Variants in WWOX observed in about 807,000 individuals in gnomAD.
WWOX encodes the protein WW domain-containing oxidoreductase.
Under a neutral mutation model 46.2 loss-of-function variants are expected in WWOX, and 69 were observed. The observed-to-expected ratio is 1.49, with a 90% confidence interval of 1.23 to 1.82. The LOEUF is 1.82. WWOX is among the 40% of genes most tolerant of loss of function. The pLI, the probability that WWOX is intolerant of heterozygous loss-of-function variation, is 0.00. For missense variants in WWOX, 919 were observed against 542.6 expected (o/e 1.69, Z -6.89); for synonymous variants, 359 against 202.6 (o/e 1.77, Z -6.56).
intron 6 of WWOX, among the ~76,000 whole-genome samples, chr16:78,422,684 TACACACACAC>T (rs1199317546): frequency 1.1e-4 from 6 of 52,932 alleles, no homozygotes; most frequent in South Asian, 7.0e-4. Context: ...TATATATATA[TACACACACAC>T]ACACACATAT....
intron 8 of WWOX, among the ~76,000 whole-genome samples, chr16:78,668,003 G>GTTGTA (rs1258514906): frequency 2.6e-5 from 4 of 152,134 alleles, no homozygotes; most frequent in African/African-American, 7.2e-5. Context: ...ACTTGGCTGG[G>GTTGTA]TGCGGTGGCT....
Position 78,347,918 on chromosome 16 carries a change from C to T in WWOX, c.517-38942C>T, listed in dbSNP as rs1183606231. On this transcript the variant is annotated intron_variant, in intron 5 of 8. Coordinates refer to ENST00000566780, the MANE Select transcript of WWOX (RefSeq NM_016373.4). The stretch of plus-strand genomic sequence containing the variant: ...TGGATTCCTCATAAAACAATATGGA[C>T]TATGGTCTTATTCTGTTTAACGGTA... Among the ~76,000 whole-genome samples, 3 of 122,186 alleles carry T rather than the reference C, an allele frequency of 2.5e-5. 1 individual carries two copies. The highest frequency in any genetic ancestry group is 8.3e-5 in the African/African-American group (3 of 36,158). The allele number at this position is 122,186 out of a possible 152,430, so 80.2% of individuals were successfully genotyped here. A position where few individuals can be genotyped will look rare whatever the true frequency, so the allele number is the denominator to read the frequency against.
chr16:79,187,637 C>CCTCAAGTGAT (rs2051044149), intron 8 of WWOX, among the ~76,000 whole-genome samples: 1 of 152,102 alleles, frequency 6.6e-6, no homozygotes, highest in Non-Finnish European at 1.5e-5. Flanking sequence ...GAACTCCTGA[C>CCTCAAGTGAT]CTCAAGTGAT....
At chr16:78,212,391 T>A (rs2036586821) in intron 5 of WWOX, among the ~76,000 whole-genome samples, 1 of 152,200 alleles carries the variant, frequency 6.6e-6, no homozygotes, top group African/African-American at 2.4e-5. Context: ...AATCCTACTG[T>A]GATCCCTAAA....
intron 8 of WWOX, among the ~76,000 whole-genome samples, chr16:78,618,497 C>G (rs977099711): frequency 1.3e-5 from 2 of 152,254 alleles, no homozygotes; most frequent in African/African-American, 2.4e-5. Context: ...TGTGAGGGCA[C>G]TGGTCATATT....
intron 8 of WWOX, among the ~76,000 whole-genome samples, chr16:78,754,702 G>A (rs752641223): frequency 2.0e-5 from 3 of 152,132 alleles, no homozygotes; most frequent in Admixed American, 6.5e-5. Flanking sequence ...GTTATGCAGT[G>A]CATTTATTTG....
intron 8 of WWOX, among the ~76,000 whole-genome samples, chr16:78,600,505 T>A (rs2045596412): frequency 1.3e-5 from 2 of 152,138 alleles, no homozygotes; most frequent in Admixed American, 1.3e-4. Context: ...GGTTAAAGCA[T>A]CCATGTTTAC....
intron 8 of WWOX, among the ~76,000 whole-genome samples, chr16:78,991,895 A>G (rs1256095227): frequency 6.6e-6 from 1 of 152,048 alleles, no homozygotes; most frequent in Non-Finnish European, 1.5e-5. Flanking sequence ...ACCTCCATAA[A>G]TGTTCCTTTG....
At chr16:78,216,050 A>G (rs1028320128) in intron 5 of WWOX, among the ~76,000 whole-genome samples, 4 of 152,220 alleles carry the variant, frequency 2.6e-5, no homozygotes, top group African/African-American at 4.8e-5. Context: ...CAACAGAGAC[A>G]CAAACACATC....
At chr16:78,172,871 A>G (rs148306754) in intron 5 of WWOX, among the ~76,000 whole-genome samples, 14 of 152,358 alleles carry the variant, frequency 9.2e-5, no homozygotes, top group African/African-American at 2.9e-4. Flanking sequence ...TCAGCCGCCA[A>G]TGGCTGAAAG....
chr16:78,764,867 T>C (rs952453102), intron 8 of WWOX, among the ~76,000 whole-genome samples: 1 of 152,132 alleles, frequency 6.6e-6, no homozygotes, highest in African/African-American at 2.4e-5. Context: ...TTACTATGGA[T>C]ATAACACTTG....
intron 8 of WWOX, among the ~76,000 whole-genome samples, chr16:79,051,992 C>G (rs2048175923): frequency 6.6e-6 from 1 of 151,608 alleles, no homozygotes; most frequent in African/African-American, 2.4e-5. Flanking sequence ...CTTCGTCCTT[C>G]CTTTGTTCTC....
chr16:78,931,964 C>CTGCACAAACTCTCT (rs1326626495), intron 8 of WWOX, among the ~76,000 whole-genome samples: 2 of 152,206 alleles, frequency 1.3e-5, no homozygotes, highest in African/African-American at 4.8e-5. Flanking sequence ...GGCAGTTCCC[C>CTGCACAAACTCTCT]TGCACAAACT....
chr16:78,421,816 A>G (rs774154379), intron 6 of WWOX, among the ~76,000 whole-genome samples: 6 of 152,186 alleles, frequency 3.9e-5, no homozygotes, highest in Non-Finnish European at 5.9e-5. Context: ...CTTCTCCCTC[A>G]TGATATTAAC....
intron 8 of WWOX, among the ~76,000 whole-genome samples, chr16:78,643,216 A>G (rs1337871595): frequency 1.3e-5 from 2 of 152,216 alleles, no homozygotes; most frequent in Admixed American, 6.5e-5. Context: ...TAAGAAGTCA[A>G]AAAAGGACAC....
chr16:78,444,781 C>T (rs939305883), intron 8 of WWOX, among the ~76,000 whole-genome samples: 6 of 152,120 alleles, frequency 3.9e-5, no homozygotes, highest in South Asian at 2.1e-4. Flanking sequence ...CCACCCGCCT[C>T]GGCCTCCCAA....
At chr16:78,874,648 C>T (rs1263259340) in intron 8 of WWOX, among the ~76,000 whole-genome samples, 1 of 150,150 alleles carries the variant, frequency 6.7e-6, no homozygotes, top group Admixed American at 6.6e-5. Context: ...AAAATTGAAA[C>T]ACCTTCAACT....
rs562341303 is a variant in WWOX at position 78,515,179 on chromosome 16, G to A, written c.1056+82427G>A. Among the ~76,000 whole-genome samples the A allele has an allele frequency of 5.3e-5, 8 of 152,282 alleles. No homozygotes were observed. The South Asian group carries it at 1.7e-3, about 32-fold the overall frequency. On this transcript the variant is annotated intron_variant, in intron 8 of 8. Coordinates refer to ENST00000566780, the MANE Select transcript of WWOX (RefSeq NM_016373.4). Reference sequence around the variant, plus strand: ...GCGGAGGTTACAGTGAACCGAGATCGTGTCACTGCACTCCAGCCTAGGCGA... The same window carrying A: ...GCGGAGGTTACAGTGAACCGAGATCATGTCACTGCACTCCAGCCTAGGCGA...
At chr16:78,623,859 C>A (rs532771962) in intron 8 of WWOX, among the ~76,000 whole-genome samples, 2 of 152,134 alleles carry the variant, frequency 1.3e-5, no homozygotes, top group African/African-American at 4.8e-5. Flanking sequence ...TTTAGACACA[C>A]TTCCACCTAC....
Sources: allele counts gnomAD v4.1 joint callset (sites outside exome capture counted in the v4.1 genomes callset), GRCh38; gene constraint gnomAD v4.1.1; transcripts MANE v1.5; gene names NCBI Gene and HGNC (gene_info 2026-07-23, HGNC 2026-07-21).